TUSC3: variants seen among roughly 807,000 people sequenced by gnomAD.
TUSC3 encodes dolichyl-diphosphooligosaccharide--protein glycosyltransferase subunit TUSC3.
Under a neutral mutation model 44.8 loss-of-function variants are expected in TUSC3, and 45 were observed. That is an observed-to-expected ratio of 1.00 (90% CI 0.79 to 1.29). The LOEUF (loss-of-function observed/expected upper bound fraction) is 1.29. Ranked by LOEUF, TUSC3 falls within the 50% of genes most tolerant of loss-of-function variation. The probability of loss-of-function intolerance (pLI) is 0.00; values close to 1 mark genes in which losing one functional copy is unlikely to be tolerated. For missense variants in TUSC3, 519 were observed against 437.9 expected (o/e 1.19, Z -1.65); for synonymous variants, 212 against 152.9 (o/e 1.39, Z -2.85).
intron 2 of TUSC3, among the ~76,000 whole-genome samples, chr8:15,506,868 C>G (rs1801058997): frequency 1.3e-5 from 2 of 152,166 alleles, no homozygotes; most frequent in Non-Finnish European, 2.9e-5. Flanking sequence ...GGAATGCATG[C>G]TCAGAGAAGC....
chr8:15,581,586 G>GTA (rs1340908174), intron 1 of TUSC3, among the ~76,000 whole-genome samples: 39 of 149,296 alleles, frequency 2.6e-4, no homozygotes, highest in Middle Eastern at 3.2e-3. Flanking sequence ...AGTGTGAGGT[G>GTA]TCAGTGTGCC....
intron 6 of TUSC3, among the ~76,000 whole-genome samples, chr8:15,682,140 AGTT>A (rs889213595): frequency 5.3e-5 from 8 of 152,102 alleles, no homozygotes; most frequent in African/African-American, 1.9e-4. Flanking sequence ...TTTATTCTGC[AGTT>A]GTTGTGTGGA....
chr8:15,817,413 CAT>C, the TUSC3 span, among the ~76,000 whole-genome samples: 1 of 151,850 alleles, frequency 6.6e-6, no homozygotes. Flanking sequence ...CTTAAGCAAA[CAT>C]ATAAAACAAA....
At chr8:15,502,757 C>G (rs1800984949) in intron 2 of TUSC3, among the ~76,000 whole-genome samples, 1 of 152,206 alleles carries the variant, frequency 6.6e-6, no homozygotes, top group Non-Finnish European at 1.5e-5. Flanking sequence ...TCCCAAAGTG[C>G]TGGGATTACA....
At chr8:15,498,898 A>G (rs894063367) in intron 2 of TUSC3, among the ~76,000 whole-genome samples, 10 of 152,178 alleles carry the variant, frequency 6.6e-5, no homozygotes, top group African/African-American at 2.4e-4. Flanking sequence ...CTTATATCCC[A>G]TATTACTTAT....
intron 2 of TUSC3, among the ~76,000 whole-genome samples, chr8:15,507,661 C>T (rs760239303): frequency 7.2e-5 from 11 of 151,770 alleles, no homozygotes; most frequent in Non-Finnish European, 1.6e-4. Flanking sequence ...ATATGTTATA[C>T]AAAATACAAA....
At chr8:15,581,546 C>G (rs1351961493) in intron 1 of TUSC3, among the ~76,000 whole-genome samples, 1 of 148,488 alleles carries the variant, frequency 6.7e-6, no homozygotes, top group Non-Finnish European at 1.5e-5. Context: ...AGACAGGACC[C>G]TCAGCTGCAG....
chr8:15,808,840 T>A, the TUSC3 span, among the ~76,000 whole-genome samples: 3 of 149,756 alleles, frequency 2.0e-5, no homozygotes, highest in African/African-American at 7.4e-5. Context: ...CTGAAGCTCC[T>A]CAACCTACAC....
intron 1 of TUSC3, among the ~76,000 whole-genome samples, chr8:15,542,552 G>T (rs1801727923): frequency 6.6e-6 from 1 of 151,208 alleles, no homozygotes. Flanking sequence ...TTACATTTTT[G>T]TTTTTCGTTT....
At chr8:15,751,704 A>G (rs1264986924) in intron 9 of TUSC3, among the ~76,000 whole-genome samples, 1 of 152,134 alleles carries the variant, frequency 6.6e-6, no homozygotes, top group Admixed American at 6.5e-5. Flanking sequence ...AAAAGTTAAC[A>G]CCACCAAATA....
intron 1 of TUSC3, among the ~76,000 whole-genome samples, chr8:15,615,176 A>G (rs1804937321): frequency 6.6e-6 from 1 of 152,214 alleles, no homozygotes; most frequent in South Asian, 2.1e-4. Flanking sequence ...TTATTGAAGC[A>G]TTATTCACAA....
chr8:15,568,272 A>C (rs997534703), intron 1 of TUSC3, among the ~76,000 whole-genome samples: 1 of 152,198 alleles, frequency 6.6e-6, no homozygotes, highest in Non-Finnish European at 1.5e-5. Flanking sequence ...TTCCATAAAG[A>C]TTTAAGCACT....
At chr8:15,590,961 A>G (rs1013230395) in intron 1 of TUSC3, among the ~76,000 whole-genome samples, 9 of 152,170 alleles carry the variant, frequency 5.9e-5, no homozygotes, top group Admixed American at 3.3e-4. Context: ...GGCTTGAGGC[A>G]CTGCAACCAG....
At chr8:15,503,864 C>T (rs563457807) in intron 2 of TUSC3, among the ~76,000 whole-genome samples, 1 of 151,770 alleles carries the variant, frequency 6.6e-6, no homozygotes, top group Admixed American at 6.6e-5. Context: ...GGTAATGGCT[C>T]CACAGCTGGG....
the TUSC3 span, among the ~76,000 whole-genome samples, chr8:15,779,111 TTTTTTTTC>T: frequency 9.8e-4 from 115 of 117,742 alleles, no homozygotes; most frequent in African/African-American, 4.9e-3. Flanking sequence ...TTTTTTTTTT[TTTTTTTTC>T]CACGTTACTT....
At chr8:15,623,836 T>A (rs1805365284) in intron 2 of TUSC3, among the ~76,000 whole-genome samples, 1 of 152,184 alleles carries the variant, frequency 6.6e-6, no homozygotes, top group South Asian at 2.1e-4. Flanking sequence ...CCTCCAGTGG[T>A]AACCTGTTGT....
chr8:15,745,344 C>T (rs750666630), intron 8 of TUSC3, among the ~76,000 whole-genome samples: 2 of 151,988 alleles, frequency 1.3e-5, no homozygotes, highest in South Asian at 2.1e-4. Context: ...GTTGCTGGGC[C>T]AAAGGTAGCA....
chr8:15,697,496 G>C (rs368047112), intron 6 of TUSC3, among the ~76,000 whole-genome samples: 4 of 152,138 alleles, frequency 2.6e-5, no homozygotes, highest in African/African-American at 9.7e-5. Context: ...TTGTGAGGGT[G>C]CCAAGTGCTG....
chr8:15,446,014 C>T (rs867900193), intron 1 of TUSC3, among the ~76,000 whole-genome samples: 22 of 146,708 alleles, frequency 1.5e-4, no homozygotes, highest in African/African-American at 5.1e-4. Context: ...CCCAGACGGG[C>T]CGGCTGCCGG....
Sources: allele counts gnomAD v4.1 joint callset (sites outside exome capture counted in the v4.1 genomes callset), GRCh38; gene constraint gnomAD v4.1.1; transcripts MANE v1.5; gene names NCBI Gene and HGNC (gene_info 2026-07-23, HGNC 2026-07-21).